The following KANTR variants were observed in gnomAD, a reference collection of about 807,000 sequenced individuals.
KANTR encodes KDM5C adjacent transcript.
chrX:53,128,453 A>C (rs1230394544), downstream of KANTR, among the ~76,000 whole-genome samples: 2 of 111,421 alleles, frequency 1.8e-5, no homozygotes, highest in African/African-American at 6.5e-5. Flanking sequence ...CTAAATCTTA[A>C]AAGATTTAGT....
intron 2 of KANTR, among the ~76,000 whole-genome samples, chrX:53,122,697 TTA>T (rs1309331860): frequency 7.1e-5 from 8 of 112,215 alleles, no homozygotes; most frequent in African/African-American, 1.6e-4. Context: ...CTTATGATAA[TTA>T]TATGTTTTTT....
At chrX:53,136,711 TATATATATATATATATATATTTTG>T (rs1933428327) in intron 2 of KANTR, among the ~76,000 whole-genome samples, 1 of 39,527 alleles carries the variant, frequency 2.5e-5, no homozygotes, top group Non-Finnish European at 6.0e-5. Flanking sequence ...TATATATATA[TATATATATATATATATATATTTTG>T]TTTGTTTGTT....
chrX:53,133,658 T>C (rs1010573958), intron 2 of KANTR, among the ~76,000 whole-genome samples: 11 of 111,711 alleles, frequency 9.8e-5, no homozygotes, highest in Admixed American at 1.9e-4. Context: ...CACACAGAAG[T>C]TGCCTGCTGT....
At chrX:53,112,549 T>A (rs782243298) in intron 2 of KANTR, among the ~76,000 whole-genome samples, 1 of 112,037 alleles carries the variant, frequency 8.9e-6, no homozygotes, top group Non-Finnish European at 1.9e-5. Flanking sequence ...ACTGAATAGA[T>A]CATTTCACTT....
At chrX:53,122,633 TA>T (rs1933242399) in intron 2 of KANTR, among the ~76,000 whole-genome samples, 2 of 112,001 alleles carry the variant, frequency 1.8e-5, no homozygotes, top group African/African-American at 3.2e-5. Flanking sequence ...AAGAGGCTTT[TA>T]TTTTTTTAAT....
downstream of KANTR, among the ~76,000 whole-genome samples, chrX:53,146,358 G>A (rs1266091101): frequency 2.7e-5 from 3 of 112,290 alleles, no homozygotes; most frequent in South Asian, 3.7e-4. Flanking sequence ...ACAAGCCTCA[G>A]TAGCCGATTC....
intron 2 of KANTR, among the ~76,000 whole-genome samples, chrX:53,104,416 G>C (rs1452672871): frequency 9.2e-6 from 1 of 109,253 alleles, no homozygotes; most frequent in East Asian, 2.9e-4. Context: ...TAGTAGAGAC[G>C]GGGTTTTGCC....
intron 2 of KANTR, among the ~76,000 whole-genome samples, chrX:53,141,307 A>G (rs1556818422): frequency 1.8e-5 from 2 of 112,133 alleles, no homozygotes; most frequent in East Asian, 2.8e-4. Context: ...GCTGCAGTAT[A>G]CAGCACTTCT....
At chrX:53,138,077 TA>T (rs1163794626) in intron 2 of KANTR, among the ~76,000 whole-genome samples, 1 of 110,039 alleles carries the variant, frequency 9.1e-6, no homozygotes, top group African/African-American at 3.3e-5. Flanking sequence ...TTTATTTATT[TA>T]TTTTTTTGAG....
intron 1 of KANTR, among the ~76,000 whole-genome samples, chrX:53,095,739 G>A (rs1932841123): frequency 1.8e-5 from 2 of 111,439 alleles, no homozygotes; most frequent in South Asian, 7.4e-4. Flanking sequence ...GCCACAGGTA[G>A]AGTGACACAG....
At chrX:53,097,253 A>G (rs1179467606) in intron 1 of KANTR, among the ~76,000 whole-genome samples, 1 of 110,617 alleles carries the variant, frequency 9.0e-6, no homozygotes, top group Admixed American at 9.7e-5. Context: ...TCTTACCGGG[A>G]AACTGGGTGG....
chrX:53,103,057 T>C, intron 2 of KANTR, among the ~76,000 whole-genome samples: 1 of 103,706 alleles, frequency 9.6e-6, no homozygotes, highest in East Asian at 3.1e-4. Flanking sequence ...CGATCTCAGC[T>C]CACTGCAGCC....
chrX:53,124,306 T>G (rs1933265831), exon 3 of KANTR: 1 of 295,832 alleles, frequency 3.4e-6, no homozygotes, highest in Admixed American at 6.2e-5. Context: ...ATTGGTTATT[T>G]GTGCCTTCTC....
intron 2 of KANTR, among the ~76,000 whole-genome samples, chrX:53,138,334 C>A (rs911920198): frequency 6.5e-5 from 7 of 108,214 alleles, no homozygotes; most frequent in Middle Eastern, 4.7e-3. Context: ...TCCCAACAGG[C>A]GCGAGTCACC....
Position 53,136,693 on chromosome X carries a change from C to CATATATATATATATATAT in KANTR, n.204-5134_204-5117dup, listed in dbSNP as rs58263602. On this transcript the variant is annotated intron_variant and non_coding_transcript_variant, in intron 2 of 2. Transcript: ENST00000366185. ...TACAGGCAAGATCTACCACGCCCGG[C>CATATATATATATATATAT]ATATATATATATATATATATATATA... Among the ~76,000 whole-genome samples, 32 of 9,291 alleles carry CATATATATATATATATAT rather than the reference C, an allele frequency of 3.4e-3. 1 individual carries two copies. The highest frequency in any genetic ancestry group is 4.4e-3 in the Non-Finnish European group (12 of 2,703). The allele number at this position is 9,291 out of a possible 115,157, so 8.1% of individuals were successfully genotyped here.
rs1215412340 is a variant in KANTR at position 53,108,495 on chromosome X, A to G, written c.-805+8887A>G. On this transcript the variant is annotated intron_variant, in intron 2 of 2. Transcript: ENST00000604062. ...TGGGATTATAGGCATGAACCACTGCACCCAGCCCTTAATTTCATTTTTTGA... is the reference window on the plus strand; with the variant it reads ...TGGGATTATAGGCATGAACCACTGCGCCCAGCCCTTAATTTCATTTTTTGA... Among the ~76,000 whole-genome samples, 3 of 111,305 alleles carry G rather than the reference A, an allele frequency of 2.7e-5. No homozygotes were observed. In the East Asian group the frequency reaches 8.6e-4, roughly 32 times the overall value.
chrX:53,107,172 G>A (rs1303741357), intron 2 of KANTR, among the ~76,000 whole-genome samples: 1 of 108,106 alleles, frequency 9.3e-6, no homozygotes, highest in African/African-American at 3.5e-5. Context: ...TTTAGGATCA[G>A]CTTTCCAATT....
At chrX:53,115,258 G>A (rs1556814402) in intron 2 of KANTR, among the ~76,000 whole-genome samples, 1 of 112,013 alleles carries the variant, frequency 8.9e-6, no homozygotes, top group East Asian at 2.9e-4. Context: ...CACATGGCCT[G>A]GCCTGGCACT....
At chrX:53,120,560 G>C (rs917492730) in intron 2 of KANTR, among the ~76,000 whole-genome samples, 2 of 110,767 alleles carry the variant, frequency 1.8e-5, no homozygotes, top group Non-Finnish European at 3.8e-5. Context: ...TCTTGTGTTC[G>C]ATTTATTTAT....
Sources: gnomAD v4.1 joint callset for allele counts (sites outside exome capture counted in the v4.1 genomes callset) on GRCh38, gnomAD v4.1.1 for gene constraint, MANE v1.5 for transcripts, NCBI Gene and HGNC (gene_info 2026-07-23, HGNC 2026-07-21) for gene names.